The following FAF1 variants were observed in gnomAD, a reference collection of about 807,000 sequenced individuals.
The protein encoded by FAF1 is Fas associated factor 1, also known as FAS-associated factor 1.
FAF1 carries 25 observed loss-of-function variants against 92.5 expected under a neutral mutation model. The observed-to-expected ratio is 0.27, with a 90% confidence interval of 0.20 to 0.38. The LOEUF is 0.38. FAF1 is among the 10% of genes least tolerant of loss of function. The pLI is 1.00. For synonymous variants in FAF1, 234 were observed against 273.2 expected (o/e 0.86, Z 1.42); for missense variants, 636 against 793.3 (o/e 0.80, Z 2.38).
Position 50,819,718 on chromosome 1 carries a change from T to TATATATATAC in FAF1, c.115-18042_115-18041insGTATATATAT, listed in dbSNP as rs1644018885. Among the ~76,000 whole-genome samples the TATATATATAC allele has an allele frequency of 9.5e-4, 22 of 23,198 alleles. 1 individual carries two copies. Among genetic ancestry groups the TATATATATAC allele is most frequent in the African/African-American group, 2.9e-3 (19 of 6,464 alleles). The allele number at this position is 23,198 out of a possible 152,430, so 15.2% of individuals were successfully genotyped here. ...ATATATATATACATATATATATACGTATATATATATACATATATATACATA... is the reference window on the plus strand; with the variant it reads ...ATATATATATACATATATATATACGTATATATATACATATATATATACATATATATACATA... On this transcript the variant is annotated intron_variant, in intron 2 of 18. Coordinates refer to ENST00000396153, the MANE Select transcript of FAF1 (RefSeq NM_007051.3).
intron 4 of FAF1, among the ~76,000 whole-genome samples, chr1:50,746,635 A>T (rs1243467417): frequency 1.3e-5 from 2 of 152,168 alleles, no homozygotes; most frequent in East Asian, 3.9e-4. Flanking sequence ...AGCAGAGTGT[A>T]AAAGTTTGAA....
rs895040368 is a variant in FAF1 at position 50,625,560 on chromosome 1, G to C, written c.745-29344C>G. ...AGAGAAATGTCACAAAGGAGTGTCA[G>C]CTGAGTCTTAAAGGATGATTTAATT... On this transcript the variant is annotated intron_variant, in intron 8 of 18. Transcript: ENST00000396153. Among the ~76,000 whole-genome samples, 82 of 152,300 alleles carry C rather than the reference G, an allele frequency of 5.4e-4. 1 individual carries two copies. The highest frequency in any genetic ancestry group is 1.9e-3 in the African/African-American group (81 of 41,576).
chr1:50,794,307 T>C (rs1443351037), intron 3 of FAF1, among the ~76,000 whole-genome samples: 1 of 152,212 alleles, frequency 6.6e-6, no homozygotes, highest in Non-Finnish European at 1.5e-5. Context: ...AATGATTATG[T>C]AAAATATGCT....
chr1:50,924,403 A>G (rs1371707959), intron 1 of FAF1, among the ~76,000 whole-genome samples: 2 of 152,194 alleles, frequency 1.3e-5, no homozygotes, highest in African/African-American at 4.8e-5. Flanking sequence ...AAACACTAAT[A>G]AAAGAGATTG....
At chr1:50,911,553 C>T (rs1463746749) in intron 1 of FAF1, among the ~76,000 whole-genome samples, 1 of 150,892 alleles carries the variant, frequency 6.6e-6, no homozygotes, top group African/African-American at 2.4e-5. Flanking sequence ...AAAAATTAAC[C>T]AAGCCTGGTG....
intron 2 of FAF1, chr1:50,846,487 G>T (rs1644301631): frequency 2.1e-6 from 1 of 486,488 alleles, no homozygotes. Flanking sequence ...CTATAAGCTG[G>T]CTTTAATCCT....
intron 18 of FAF1, among the ~76,000 whole-genome samples, chr1:50,442,981 C>T (rs578182859): frequency 6.6e-6 from 1 of 152,282 alleles, no homozygotes; most frequent in East Asian, 1.9e-4. Context: ...TCTTCCAATG[C>T]ACTGAGGGGC....
intron 8 of FAF1, among the ~76,000 whole-genome samples, chr1:50,652,093 C>T (rs151043638): frequency 6.6e-6 from 1 of 152,266 alleles, no homozygotes; most frequent in African/African-American, 2.4e-5. Flanking sequence ...TGTGGGCAGG[C>T]ACCACTTCAC....
intron 7 of FAF1, among the ~76,000 whole-genome samples, chr1:50,661,238 T>C (rs151167041): frequency 2.0e-5 from 3 of 152,306 alleles, no homozygotes; most frequent in African/African-American, 7.2e-5. Context: ...GTCACACTGG[T>C]TTCCCAGAAA....
rs58305289 is a variant in FAF1 at position 50,728,061 on chromosome 1, G to A, written c.551+10802C>T. Among the ~76,000 whole-genome samples the A allele has an allele frequency of 7.7e-3, 1,177 of 152,188 alleles. 13 individuals carry two copies. The highest frequency in any genetic ancestry group is 0.027 in the African/African-American group (1,134 of 41,500). Reference sequence around the variant, plus strand: ...AATTCTCCCTAATAAACTCCCTTGCGTATATACATATATCCTATTAGTTCT... The same window carrying A: ...AATTCTCCCTAATAAACTCCCTTGCATATATACATATATCCTATTAGTTCT... On this transcript the variant is annotated intron_variant, in intron 6 of 18. Transcript: ENST00000396153.
intron 6 of FAF1, among the ~76,000 whole-genome samples, chr1:50,724,855 C>G (rs1459569700): frequency 6.6e-6 from 1 of 152,164 alleles, no homozygotes; most frequent in Admixed American, 6.5e-5. Flanking sequence ...GCACTCTGGA[C>G]AAAGCTTACC....
chr1:50,796,544 T>C lies in FAF1; in HGVS notation c.161+5087A>G, dbSNP rs56837046. Among the ~76,000 whole-genome samples the C allele has an allele frequency of 2.7e-3, 414 of 152,268 alleles. 11 individuals carry two copies. In the East Asian group the frequency reaches 0.04, roughly 15 times the overall value. ...CCTCTATCACTTTCCTTTGTGCCCA[T>C]TGGTGGTCAGCAGGGGGCTTTCCCT... On this transcript the variant is annotated intron_variant, in intron 3 of 18. Coordinates refer to ENST00000396153, the MANE Select transcript of FAF1 (RefSeq NM_007051.3).
intron 4 of FAF1, among the ~76,000 whole-genome samples, chr1:50,753,764 T>C (rs1659965076): frequency 6.6e-6 from 1 of 151,278 alleles, no homozygotes; most frequent in Admixed American, 6.6e-5. Flanking sequence ...GTTCTTTTTT[T>C]TTTTTTTTTT....
chr1:50,788,284 G>C, intron 3 of FAF1, 79 bp from the exon 4 acceptor site: 1 of 1,241,668 alleles, frequency 8.1e-7, no homozygotes, highest in South Asian at 1.3e-5. Context: ...TCCATACTTG[G>C]CTTGTGTTGT....
At chr1:50,756,012 G>T (rs761425941) in intron 4 of FAF1, among the ~76,000 whole-genome samples, 1 of 152,138 alleles carries the variant, frequency 6.6e-6, no homozygotes, top group Admixed American at 6.6e-5. Context: ...CCTCTGACAC[G>T]CCCTGGAGAC....
At chr1:50,694,255 C>A (rs1275778952) in intron 7 of FAF1, among the ~76,000 whole-genome samples, 1 of 151,970 alleles carries the variant, frequency 6.6e-6, no homozygotes, top group Non-Finnish European at 1.5e-5. Context: ...TATAAACATA[C>A]CTCTTAGGAG....
At chr1:50,744,920 G>T (rs1659527550) in intron 4 of FAF1, 145 bp from the exon 5 acceptor site, 1 of 471,986 alleles carries the variant, frequency 2.1e-6, no homozygotes, top group Non-Finnish European at 3.7e-6. Flanking sequence ...TATAAAATGG[G>T]AAATAATATT....
intron 4 of FAF1, among the ~76,000 whole-genome samples, chr1:50,750,622 C>CTTTT (rs200229291): frequency 7.5e-6 from 1 of 133,764 alleles, no homozygotes; most frequent in Non-Finnish European, 1.6e-5. Flanking sequence ...TTTTTCTTTT[C>CTTTT]TTTTTTTTTT....
chr1:50,782,743 T>C (rs905665939), intron 4 of FAF1, among the ~76,000 whole-genome samples: 1 of 152,062 alleles, frequency 6.6e-6, no homozygotes, highest in Non-Finnish European at 1.5e-5. Context: ...CTAAGGTTAA[T>C]TCTTATTAAA....
Sources: allele counts gnomAD v4.1 joint callset (sites outside exome capture counted in the v4.1 genomes callset), GRCh38; gene constraint gnomAD v4.1.1; transcripts MANE v1.5; gene names NCBI Gene and HGNC (gene_info 2026-07-23, HGNC 2026-07-21).